Variants in MICAL2 observed in about 807,000 individuals in gnomAD.
MICAL2 encodes the protein [F-actin]-monooxygenase MICAL2.
In MICAL2, 77 loss-of-function variants were observed where a neutral mutation model predicts 127.3. The ratio of observed to expected loss-of-function variants is 0.60; its 90% CI spans 0.50 to 0.73. The LOEUF is 0.73. Ranked by LOEUF, MICAL2 falls within the 30% of genes least tolerant of loss-of-function variation. The pLI is 0.00. For missense variants in MICAL2, 1,351 were observed against 1,434.4 expected (o/e 0.94, Z 0.94); for synonymous variants, 570 against 551.1 (o/e 1.03, Z -0.48).
chr11:12,351,339 C>T (rs1939041710), intron 33 of MICAL2, among the ~76,000 whole-genome samples: 1 of 152,148 alleles, frequency 6.6e-6, no homozygotes, highest in South Asian at 2.1e-4. Flanking sequence ...GGGCAATAAC[C>T]TCAGAGGATA....
At chr11:12,298,291 C>T (rs1864009848) in intron 29 of MICAL2, among the ~76,000 whole-genome samples, 1 of 151,912 alleles carries the variant, frequency 6.6e-6, no homozygotes, top group Non-Finnish European at 1.5e-5. Flanking sequence ...GTTTATCATT[C>T]TACTGTTGTT....
intron 32 of MICAL2, among the ~76,000 whole-genome samples, chr11:12,342,878 G>A (rs911650935): frequency 5.9e-5 from 9 of 152,204 alleles, no homozygotes; most frequent in African/African-American, 2.2e-4. Context: ...ATAGTGAGGG[G>A]CAATGCTGCC....
chr11:12,137,266 G>A (rs537188206), intron 1 of MICAL2, among the ~76,000 whole-genome samples: 3 of 119,562 alleles, frequency 2.5e-5, no homozygotes, highest in Admixed American at 8.9e-5. Context: ...CGCCAGGCTC[G>A]CCCGGTGTGT....
intron 3 of MICAL2, among the ~76,000 whole-genome samples, chr11:12,169,704 A>G (rs1855996941): frequency 6.6e-6 from 1 of 152,198 alleles, no homozygotes; most frequent in Non-Finnish European, 1.5e-5. Context: ...TCTTTAGCTT[A>G]GCTTATTTCC....
chr11:12,256,807 C>A lies in MICAL2; in HGVS notation c.2978C>A (p.Pro993His), dbSNP rs370539217. The A allele has an allele frequency of 5.0e-6, 8 of 1,613,248 alleles. No homozygotes were observed. The highest frequency in any genetic ancestry group is 5.9e-6 in the Non-Finnish European group (7 of 1,179,474). The change falls in exon 24 of 28, where the codon CCC becomes CAC. Residue 993 changes from proline (P) to histidine (H), a missense_variant. Around this residue, in one of 2 missense-constraint regions of MICAL2, gnomAD observed 752 missense variants for 719.4 expected, o/e 1.05. Transcript: ENST00000683283. ...CAGGAATCTATGCGAAAGTCATTTC[C>A]CCTTAACCTGGGAGGCAGCGACACG... ...PDLESMRKSF[P>H]LNLGGSDTCY...
chr11:12,343,373 A>C lies in MICAL2; in HGVS notation c.5516-6465A>C, dbSNP rs1011151464. On this transcript the variant is annotated intron_variant, in intron 32 of 34. Coordinates refer to the MICAL2 transcript ENST00000646065. The stretch of plus-strand genomic sequence containing the variant: ...CAGTAAGCTGAGATCATGCCATTGC[A>C]CTCCAGCCTGGGCGACAAGAGCTTC... Among the ~76,000 whole-genome samples, 6 of 141,428 alleles carry C rather than the reference A, an allele frequency of 4.2e-5. No homozygotes were observed. The Admixed American group carries it at 4.5e-4, about 11-fold the overall frequency. The allele number at this position is 141,428 out of a possible 152,430, so 92.8% of individuals were successfully genotyped here.
rs546660500 is a variant in MICAL2 at position 12,314,940 on chromosome 11, G to C, written c.5213-4756G>C. On this transcript the variant is annotated intron_variant, in intron 29 of 34. Transcript: ENST00000646065. ...ATTCATGCACATTTTCTGTTTTAGT[G>C]GTTCTTCATCTTTTTCTGCATCACA... Among the ~76,000 whole-genome samples, 7 of 152,178 alleles carry C rather than the reference G, an allele frequency of 4.6e-5. No individual in the cohort carries two copies. The South Asian group carries it at 1.0e-3, about 23-fold the overall frequency.
At chr11:12,263,959 T>C (rs1863453755), downstream of MICAL2, among the ~76,000 whole-genome samples, 1 of 152,014 alleles carries the variant, frequency 6.6e-6, no homozygotes, top group Non-Finnish European at 1.5e-5. Context: ...CTGGGTAATA[T>C]TTGGAAACTG....
intron 30 of MICAL2, among the ~76,000 whole-genome samples, chr11:12,322,828 A>G (rs1488596040): frequency 6.6e-6 from 1 of 152,220 alleles, no homozygotes; most frequent in Non-Finnish European, 1.5e-5. Context: ...TATAAAAATC[A>G]TGCTATTAGT....
chr11:12,199,625 C>T, intron 3 of MICAL2, among the ~76,000 whole-genome samples: 1 of 152,168 alleles, frequency 6.6e-6, no homozygotes, highest in East Asian at 1.9e-4. Context: ...GAAGATGCAC[C>T]ATGTCAAGAA....
At chr11:12,187,551 T>TC (rs1431201207) in intron 3 of MICAL2, among the ~76,000 whole-genome samples, 1 of 152,164 alleles carries the variant, frequency 6.6e-6, no homozygotes, top group East Asian at 1.9e-4. Context: ...TACTGAGTGG[T>TC]CCCAGGCAGC....
chr11:12,358,378 CTCG>C, exon 35 of MICAL2: 1 of 1,614,160 alleles, frequency 6.2e-7, no homozygotes, highest in East Asian at 2.2e-5. Flanking sequence ...AAGGGACAAA[CTCG>C]TCGATTCCTT....
chr11:12,294,148 C>T (rs1863942270), downstream of MICAL2: 1 of 1,613,998 alleles, frequency 6.2e-7, no homozygotes, highest in Non-Finnish European at 8.5e-7. Flanking sequence ...CAGGAGAGCC[C>T]CTGCCAACCC....
intron 30 of MICAL2, among the ~76,000 whole-genome samples, chr11:12,323,175 T>A (rs1864318410): frequency 6.6e-6 from 1 of 152,220 alleles, no homozygotes; most frequent in Non-Finnish European, 1.5e-5. Flanking sequence ...CTGGAAGTGA[T>A]ACTATCAAGA....
At chr11:12,154,751 A>G (rs1271539480) in intron 2 of MICAL2, among the ~76,000 whole-genome samples, 1 of 152,200 alleles carries the variant, frequency 6.6e-6, no homozygotes, top group Non-Finnish European at 1.5e-5. Flanking sequence ...ACCATGACTT[A>G]TAAGACCATG....
intron 32 of MICAL2, among the ~76,000 whole-genome samples, chr11:12,336,026 C>T (rs1938750854): frequency 6.6e-6 from 1 of 152,178 alleles, no homozygotes; most frequent in South Asian, 2.1e-4. Context: ...GGCATTGAAT[C>T]TATAAATTAC....
chr11:12,250,558 A>G (rs1001511504), intron 22 of MICAL2, among the ~76,000 whole-genome samples: 2 of 152,252 alleles, frequency 1.3e-5, no homozygotes, highest in Non-Finnish European at 2.9e-5. Context: ...AACCTCGTGT[A>G]ATGTGAGATG....
chr11:12,166,440 A>G (rs963390376), intron 3 of MICAL2, among the ~76,000 whole-genome samples: 2 of 152,220 alleles, frequency 1.3e-5, no homozygotes, highest in African/African-American at 2.4e-5. Context: ...CAGATATGTA[A>G]TTATTTCTGT....
At chr11:12,212,504 C>T (rs906819677) in intron 6 of MICAL2, among the ~76,000 whole-genome samples, 6 of 151,792 alleles carry the variant, frequency 4.0e-5, no homozygotes, top group East Asian at 1.9e-4. Flanking sequence ...AAACAAAAAA[C>T]GAATGAGAGC....
Sources: allele counts gnomAD v4.1 joint callset (sites outside exome capture counted in the v4.1 genomes callset), GRCh38; gene constraint gnomAD v4.1.1; regional missense constraint gnomAD v4.1.1; transcripts MANE v1.5; gene names NCBI Gene and HGNC (gene_info 2026-07-23, HGNC 2026-07-21).